DNAH8: variants seen among roughly 807,000 people sequenced by gnomAD.
DNAH8 encodes axonemal beta dynein heavy chain 8.
In DNAH8, 382 loss-of-function variants were observed where a neutral mutation model predicts 562.1. That is an observed-to-expected ratio of 0.68 (90% confidence interval 0.63 to 0.74). The LOEUF (loss-of-function observed/expected upper bound fraction) is 0.74, where lower values mean the gene tolerates loss of function less well. Among genes scored for constraint, DNAH8 ranks in the 30% least tolerant of loss-of-function variants. DNAH8 has a pLI of 0.00. For missense variants in DNAH8, 5,203 were observed against 5,620.4 expected (o/e 0.93, Z 2.37); for synonymous variants, 1,881 against 1,919.4 (o/e 0.98, Z 0.52).
chr6:38,744,602 T>A (rs1286427007), intron 8 of DNAH8, among the ~76,000 whole-genome samples: 1 of 141,750 alleles, frequency 7.1e-6, no homozygotes, highest in Non-Finnish European at 1.5e-5. Context: ...CTTTATTTTT[T>A]ATTTTTTTTG....
intron 91 of DNAH8, among the ~76,000 whole-genome samples, chr6:39,025,376 C>T (rs879814653): frequency 2.6e-5 from 4 of 152,232 alleles, no homozygotes; most frequent in African/African-American, 4.8e-5. Context: ...ATGTGGGGCC[C>T]ATGGATGGCC....
chr6:38,857,795 G>T (rs572909192), intron 42 of DNAH8, 53 bp downstream of exon 42: 210 of 1,157,514 alleles, frequency 1.8e-4, no homozygotes, highest in Admixed American at 2.4e-4. Context: ...GAACAGCTAA[G>T]AATTGTATAT....
chr6:38,979,846 A>C (rs1206921217), intron 85 of DNAH8, among the ~76,000 whole-genome samples: 3 of 152,232 alleles, frequency 2.0e-5, no homozygotes, highest in African/African-American at 7.2e-5. Flanking sequence ...ATTAAAATTT[A>C]AAAATTAAAT....
At chr6:38,839,224 G>T (rs1397205374) in intron 33 of DNAH8, among the ~76,000 whole-genome samples, 1 of 152,076 alleles carries the variant, frequency 6.6e-6, no homozygotes, top group East Asian at 1.9e-4. Context: ...GATCCAATGC[G>T]TTCACCCTCA....
chr6:38,935,777 C>A, intron 77 of DNAH8, 80 bp downstream of exon 77: 2 of 1,015,256 alleles, frequency 2.0e-6, no homozygotes, highest in Non-Finnish European at 2.9e-6. Context: ...GCCCTCATGA[C>A]TATAGATGTT....
At chr6:38,764,260 A>T (rs887641377) in intron 11 of DNAH8, 3 of 154,362 alleles carry the variant, frequency 1.9e-5, no homozygotes, top group African/African-American at 7.2e-5. Context: ...CAGAGAAATC[A>T]ACTGTCGAAG....
chr6:38,976,559 A>G (rs1661690824), intron 85 of DNAH8, among the ~76,000 whole-genome samples: 1 of 152,198 alleles, frequency 6.6e-6, no homozygotes, highest in Admixed American at 6.5e-5. Flanking sequence ...AGAAGCATCA[A>G]CATCACTTGG....
chr6:38,984,432 A>G, intron 87 of DNAH8, 125 bp downstream of exon 87: 1 of 668,672 alleles, frequency 1.5e-6, no homozygotes, highest in South Asian at 1.7e-5. Context: ...TAGCCAAGAA[A>G]CAAATGCATG....
chr6:38,765,362 C>T (rs910364631), intron 11 of DNAH8, among the ~76,000 whole-genome samples: 5 of 152,032 alleles, frequency 3.3e-5, no homozygotes, highest in Non-Finnish European at 7.4e-5. Flanking sequence ...TTTGGGGTCA[C>T]GTCCAAAAAA....
chr6:38,967,745 C>T (rs1373774509), intron 82 of DNAH8, among the ~76,000 whole-genome samples: 1 of 152,012 alleles, frequency 6.6e-6, no homozygotes, highest in Non-Finnish European at 1.5e-5. Flanking sequence ...ATCCCAACAG[C>T]CTTTTTTAAA....
intron 47 of DNAH8, 36 bp from the exon 48 acceptor site, chr6:38,868,026 A>G: frequency 1.9e-6 from 3 of 1,594,044 alleles, no homozygotes; most frequent in Non-Finnish European, 1.7e-6. Flanking sequence ...TAGTTTTTCA[A>G]TTAAACCATC....
In DNAH8 at chr6:38,950,159, C is replaced by T. The variant is rs933946788; in HGVS notation, c.12248+589C>T. 2.9e-5 allele frequency among the ~76,000 whole-genome samples: 4 copies of T among 135,922 alleles called. No individual in the cohort carries two copies. The South Asian group carries it at 9.2e-4, about 31-fold the overall frequency. 89.2% of individuals were successfully genotyped at this position (135,922 alleles called of 152,430 possible). ...AGTATCCAGTAACTCAGAGACCTTCCACATTGAAAAAAATCAGTGTGTGTG... is the reference window on the plus strand; with the variant it reads ...AGTATCCAGTAACTCAGAGACCTTCTACATTGAAAAAAATCAGTGTGTGTG... On this transcript the variant is annotated intron_variant, in intron 81 of 92. Coordinates refer to ENST00000327475, the MANE Select transcript of DNAH8 (RefSeq NM_001206927.2).
chr6:39,003,758 T>C (rs904916518), intron 88 of DNAH8, among the ~76,000 whole-genome samples: 5 of 152,218 alleles, frequency 3.3e-5, no homozygotes. Flanking sequence ...TTATTACAAA[T>C]ACTGTTATAA....
chr6:38,770,972 A>T (rs1614699), intron 12 of DNAH8, among the ~76,000 whole-genome samples: 133,926 of 152,224 alleles, frequency 0.88, 58,993 homozygotes, highest in African/African-American at 0.91. Context: ...GGTGTATACA[A>T]AAACATTGTG....
chr6:39,030,251 C>T lies in DNAH8; in HGVS notation c.13983C>T (p.Asp4661=), dbSNP rs944976925. The T allele has an allele frequency of 7.4e-6, 12 of 1,614,152 alleles. No individual in the cohort carries two copies. In the Admixed American group the frequency reaches 1.8e-4, roughly 25 times the overall value. Residue 4661 remains aspartate (D), a synonymous_variant, in exon 93 of 93, where the codon GAC becomes GAT. Transcript: ENST00000327475. ...CCATTAACTCCACGGCACCCAAGGA[C>T]CCCAAGCTGTATGTGTGTCCTATTT... ...IFAINSTAPK[D]PKLYVCPIYK...
intron 88 of DNAH8, 112 bp downstream of exon 88, chr6:38,990,284 T>TTC: frequency 2.6e-6 from 2 of 768,532 alleles, no homozygotes; most frequent in Non-Finnish European, 4.2e-6. Context: ...TTTTTTATTT[T>TTC]ACTGTGAAAA....
At chr6:38,814,464 C>G (rs1772070769) in intron 25 of DNAH8, among the ~76,000 whole-genome samples, 1 of 152,178 alleles carries the variant, frequency 6.6e-6, no homozygotes, top group South Asian at 2.1e-4. Flanking sequence ...GCCTGTAGTC[C>G]CAGCTACTTG....
intron 33 of DNAH8, among the ~76,000 whole-genome samples, chr6:38,840,345 T>C (rs1374157484): frequency 6.6e-6 from 1 of 152,276 alleles, no homozygotes; most frequent in Non-Finnish European, 1.5e-5. Context: ...AATTTTAAAT[T>C]TCTAAATCAT....
intron 88 of DNAH8, among the ~76,000 whole-genome samples, chr6:38,997,796 T>C (rs368637961): frequency 6.6e-6 from 1 of 152,212 alleles, no homozygotes; most frequent in Non-Finnish European, 1.5e-5. Flanking sequence ...CTTACCCTGT[T>C]GCCCAAGCTG....
Sources: allele counts gnomAD v4.1 joint callset (sites outside exome capture counted in the v4.1 genomes callset), GRCh38; gene constraint gnomAD v4.1.1; transcripts MANE v1.5; gene names NCBI Gene and HGNC (gene_info 2026-07-23, HGNC 2026-07-21).